The following WNT5B variants were observed in gnomAD, a reference collection of about 807,000 sequenced individuals.
WNT5B encodes Wnt family member 5B.
A neutral mutation model predicts 36.5 loss-of-function variants in WNT5B; 18 were observed. The ratio of observed to expected loss-of-function variants is 0.49; its 90% confidence interval spans 0.34 to 0.73. The LOEUF is 0.73. Ranked by LOEUF, WNT5B falls within the 30% of genes least tolerant of loss-of-function variation. The pLI is 0.01. For synonymous variants in WNT5B, 213 were observed against 212.3 expected, an observed-to-expected ratio of 1.00 and a Z score of -0.03; for missense variants, 424 against 508.4, an observed-to-expected ratio of 0.83 and a Z score of 1.60.
chr12:1,645,677 A>G (rs775423375), intron 4 of WNT5B, 117 bp from the exon 5 acceptor site: 3 of 917,862 alleles, frequency 3.3e-6, no homozygotes, highest in Non-Finnish European at 4.9e-6. Context: ...TTGAAAAGCT[A>G]TCTATCCCCT....
intron 1 of WNT5B, among the ~76,000 whole-genome samples, chr12:1,622,526 A>T (rs1208155840): frequency 2.0e-5 from 3 of 152,206 alleles, no homozygotes; most frequent in Non-Finnish European, 4.4e-5. Context: ...GGATTCTCAG[A>T]TAAGGGGAGG....
At chr12:1,622,574 T>C (rs1043068817) in intron 1 of WNT5B, among the ~76,000 whole-genome samples, 1 of 152,142 alleles carries the variant, frequency 6.6e-6, no homozygotes, top group Non-Finnish European at 1.5e-5. Context: ...ATGGACCAAG[T>C]TGTATGGAAG....
At chr12:1,628,903 G>C (rs2094544809), upstream of WNT5B, among the ~76,000 whole-genome samples, 1 of 152,130 alleles carries the variant, frequency 6.6e-6, no homozygotes, top group African/African-American at 2.4e-5. Context: ...GCGTCCTGAG[G>C]GGGCTGGTGT....
intron 3 of WNT5B, among the ~76,000 whole-genome samples, chr12:1,635,693 A>G (rs2094559317): frequency 6.6e-6 from 1 of 152,200 alleles, no homozygotes; most frequent in Non-Finnish European, 1.5e-5. Context: ...CTGCATTTTA[A>G]GGAGATGAAT....
At chr12:1,643,686 C>CTTTTTTTTT (rs368172169) in intron 4 of WNT5B, among the ~76,000 whole-genome samples, 18 of 97,472 alleles carry the variant, frequency 1.8e-4, no homozygotes, top group Non-Finnish European at 2.6e-4. Context: ...TTTTTGAAAG[C>CTTTTTTTTT]TTTTTTTTTT....
chr12:1,640,207 C>T (rs1253210817), intron 4 of WNT5B, among the ~76,000 whole-genome samples: 1 of 152,154 alleles, frequency 6.6e-6, no homozygotes, highest in Admixed American at 6.5e-5. Context: ...TTTCTTTTTA[C>T]TTACTTTATT....
At chr12:1,625,089 C>T (rs2094539260), upstream of WNT5B, among the ~76,000 whole-genome samples, 1 of 151,750 alleles carries the variant, frequency 6.6e-6, no homozygotes, top group Non-Finnish European at 1.5e-5. Context: ...GGGGTTTGTT[C>T]TAGGAGTAGA....
chr12:1,639,920 T>A lies in WNT5B; in HGVS notation c.565T>A (p.Ser189Thr). ...REREKNFAKGSEEQGRVLMNL... is the reference protein window; with the variant it reads ...REREKNFAKGTEEQGRVLMNL... ...GCGAGAGAAGAACTTTGCCAAAGGA[T>A]CAGAGGAGCAGGGCCGGGTGCTCAT... The change falls in exon 4 of 5, where the codon TCA becomes ACA. Residue 189 changes from serine (S) to threonine (T), a missense_variant. Ser to Thr is a moderately conservative substitution (Grantham distance 58). Transcript: ENST00000397196. The A allele has an allele frequency of 1.4e-5, 23 of 1,613,984 alleles. No homozygotes were observed. The highest frequency in any genetic ancestry group is 1.9e-5 in the Non-Finnish European group (22 of 1,179,950).
In WNT5B at chr12:1,644,564, A is replaced by G. The variant is rs1341648078; in HGVS notation, c.622-1230A>G. Among the ~76,000 whole-genome samples, 1 of 152,206 alleles carries G rather than the reference A, an allele frequency of 6.6e-6. No homozygotes were observed. Among genetic ancestry groups the G allele is most frequent in the African/African-American group, 2.4e-5 (1 of 41,454 alleles). ...AGTGGTCTCTGCTTAGCTCTGAATA[A>G]AGACACAATCTGGGGGCTCTTGAAA... On this transcript the variant is annotated intron_variant, in intron 4 of 4. Transcript: ENST00000397196. The surrounding 1 kb of genome is among the most constrained non-coding windows in gnomAD (Gnocchi z 5.1).
At chr12:1,623,519 A>C (rs188892544) in intron 1 of WNT5B, among the ~76,000 whole-genome samples, 56 of 152,088 alleles carry the variant, frequency 3.7e-4, no homozygotes, top group African/African-American at 1.3e-3. Context: ...TAAGCAAAGA[A>C]GTCACATGGT....
rs1387333643 is a variant in WNT5B at position 1,630,310 on chromosome 12, C to G, written c.-58+939C>G. The G allele has an allele frequency of 1.1e-6, 1 of 874,104 alleles. No individual in the cohort carries two copies. The highest frequency in any genetic ancestry group is 1.4e-6 in the Non-Finnish European group (1 of 728,442). 54.1% of individuals were successfully genotyped at this position (874,104 alleles called of 1,614,324 possible). On this transcript the variant is annotated intron_variant, in intron 1 of 4. Transcript: ENST00000397196. The surrounding 1 kb of genome is among the most constrained non-coding windows in gnomAD (Gnocchi z 5.3). ...AGGACCGCGGGGGAGCCGCAGGGGCCGTGTGTCCCGAGGCGCAGGCTCGCT... is the reference window on the plus strand; with the variant it reads ...AGGACCGCGGGGGAGCCGCAGGGGCGGTGTGTCCCGAGGCGCAGGCTCGCT...
At chr12:1,643,863 A>G (rs2094580453) in intron 4 of WNT5B, among the ~76,000 whole-genome samples, 1 of 151,876 alleles carries the variant, frequency 6.6e-6, no homozygotes, top group African/African-American at 2.4e-5. Flanking sequence ...AATTGCAGAT[A>G]TTCCTATCTC....
At chr12:1,635,538 A>G (rs2094559060) in intron 3 of WNT5B, among the ~76,000 whole-genome samples, 1 of 152,230 alleles carries the variant, frequency 6.6e-6, no homozygotes, top group African/African-American at 2.4e-5. Flanking sequence ...CATTTGAAAA[A>G]GATGGAATGG....
chr12:1,622,114 T>C (rs1199996131), intron 1 of WNT5B, among the ~76,000 whole-genome samples: 3 of 145,284 alleles, frequency 2.1e-5, no homozygotes, highest in Non-Finnish European at 4.5e-5. Context: ...CTTCTTTTTT[T>C]TTTTTTTTTT....
upstream of WNT5B, among the ~76,000 whole-genome samples, chr12:1,627,045 A>C (rs546053309): frequency 3.3e-5 from 5 of 152,222 alleles, no homozygotes; most frequent in Admixed American, 1.3e-4. The surrounding 1 kb of genome is among the most constrained non-coding windows in gnomAD (Gnocchi z 5.0). Flanking sequence ...ATATGAGGGA[A>C]AGAAACAAAA....
Position 1,639,716 on chromosome 12 carries a change from A to G in WNT5B, c.361A>G (p.Ser121Gly). Residue 121 changes from serine (S) to glycine (G), a missense_variant, in exon 4 of 5, where the codon AGC becomes GGC. Transcript: ENST00000397196. ...SRETAFTHAVSAAGVVNAISR... is the reference protein window; with the variant it reads ...SRETAFTHAVGAAGVVNAISR... ...AGAGACCGCCTTCACCCACGCGGTG[A>G]GCGCCGCGGGCGTGGTCAACGCCAT... 1.3e-6 allele frequency: 2 copies of G among 1,586,030 alleles called. No homozygotes were observed. The highest frequency in any genetic ancestry group is 1.7e-6 in the Non-Finnish European group (2 of 1,169,216).
At chr12:1,638,186 C>T (rs534137739) in intron 3 of WNT5B, among the ~76,000 whole-genome samples, 51 of 152,258 alleles carry the variant, frequency 3.3e-4, no homozygotes, top group African/African-American at 1.2e-3. Flanking sequence ...GCGGAGCTTG[C>T]GGTGAGCCGA....
In WNT5B at chr12:1,640,404, T is replaced by C. The variant is rs570526548; in HGVS notation, c.621+428T>C. On this transcript the variant is annotated intron_variant, in intron 4 of 4. Coordinates refer to ENST00000397196, the MANE Select transcript of WNT5B (RefSeq NM_032642.3). ...GTTAAAGGCTCTGGTAATAGCAGAG[T>C]CGACTTTCAAGAACTGCTGTCATAC... Among the ~76,000 whole-genome samples, 10 of 152,194 alleles carry C rather than the reference T, an allele frequency of 6.6e-5. No individual in the cohort carries two copies. In the South Asian group the frequency reaches 2.1e-3, roughly 32 times the overall value.
chr12:1,639,696 C>T lies in WNT5B; in HGVS notation c.341C>T (p.Thr114Ile). 1.3e-6 allele frequency: 2 copies of T among 1,566,174 alleles called. No homozygotes were observed. Among genetic ancestry groups the T allele is most frequent in the South Asian group, 2.3e-5 (2 of 86,230 alleles). ...GRVMQIGSRE[T>I]AFTHAVSAAG... is the part of the protein sequence containing the mutation. Reference sequence around the variant, plus strand: ...CCTCATTCTGCAGGCAGCCGAGAGACCGCCTTCACCCACGCGGTGAGCGCC... The same window carrying T: ...CCTCATTCTGCAGGCAGCCGAGAGATCGCCTTCACCCACGCGGTGAGCGCC... The change falls in exon 4 of 5, where the codon ACC becomes ATC. Residue 114 changes from threonine to isoleucine, a missense_variant. Thr to Ile is a moderately conservative substitution (Grantham distance 89, BLOSUM62 -1). Transcript: ENST00000397196.
Sources: allele counts gnomAD v4.1 joint callset (sites outside exome capture counted in the v4.1 genomes callset), GRCh38; gene constraint gnomAD v4.1.1; non-coding constraint Gnocchi (gnomAD v3.1); transcripts MANE v1.5; gene names NCBI Gene and HGNC (gene_info 2026-07-23, HGNC 2026-07-21).